UBR3: variants seen among roughly 807,000 people sequenced by gnomAD.
UBR3 encodes the protein ubiquitin protein ligase E3 component n-recognin 3.
UBR3 carries 85 observed loss-of-function variants against 243.2 expected under a neutral mutation model. The ratio of observed to expected loss-of-function variants is 0.35; its 90% CI spans 0.29 to 0.42. UBR3 has a LOEUF of 0.42. Ranked by LOEUF, UBR3 falls within the 10% of genes least tolerant of loss-of-function variation. UBR3 has a pLI of 1.00. For synonymous variants in UBR3, 748 were observed against 799.8 expected (o/e 0.94, Z 1.09); for missense variants, 1,686 against 2,300.8 (o/e 0.73, Z 5.47).
intron 10 of UBR3, among the ~76,000 whole-genome samples, chr2:169,909,144 T>C (rs2085147848): frequency 1.3e-5 from 2 of 152,160 alleles, no homozygotes; most frequent in African/African-American, 4.8e-5. Flanking sequence ...TTTTAAGGAA[T>C]TTGTGGCTGG....
Position 170,084,009 on chromosome 2 carries a change from A to G in UBR3, c.*2166A>G, listed in dbSNP as rs2091943700. On this transcript the variant is annotated 3_prime_UTR_variant, in exon 39 of 39. Coordinates refer to ENST00000272793, the MANE Select transcript of UBR3 (RefSeq NM_172070.4). Reference sequence around the variant, plus strand: ...ATGAATGATCATTTAAATACAGTACATTACTGTAGAAGCTAAATTGATCTT... The same window carrying G: ...ATGAATGATCATTTAAATACAGTACGTTACTGTAGAAGCTAAATTGATCTT... The G allele has an allele frequency of 6.6e-6, 1 of 152,630 alleles. No individual in the cohort carries two copies. The highest frequency in any genetic ancestry group is 1.5e-5 in the Non-Finnish European group (1 of 68,020). 9.5% of individuals were successfully genotyped at this position (152,630 alleles called of 1,614,324 possible).
At chr2:169,874,842 T>C (rs1173265468) in intron 2 of UBR3, among the ~76,000 whole-genome samples, 1 of 152,222 alleles carries the variant, frequency 6.6e-6, no homozygotes, top group Admixed American at 6.5e-5. Context: ...ACCTCTTTTA[T>C]AGGTGTGGTT....
chr2:169,876,305 C>T (rs990266408), intron 3 of UBR3, among the ~76,000 whole-genome samples: 4 of 151,906 alleles, frequency 2.6e-5, no homozygotes, highest in African/African-American at 7.2e-5. Context: ...TGGTCTCGAT[C>T]TCCTGACCTC....
intron 8 of UBR3, among the ~76,000 whole-genome samples, chr2:169,901,651 A>G (rs1026276681): frequency 6.6e-6 from 1 of 152,226 alleles, no homozygotes; most frequent in African/African-American, 2.4e-5. Context: ...TAATAAATAC[A>G]GGAGCTGATA....
intron 33 of UBR3, among the ~76,000 whole-genome samples, chr2:170,057,697 G>A (rs762978815): frequency 1.3e-4 from 20 of 152,068 alleles, no homozygotes; most frequent in African/African-American, 4.3e-4. Context: ...CCTCGTAATT[G>A]TTAGTTATTT....
At chr2:169,897,562 G>A (rs1209175346) in intron 8 of UBR3, among the ~76,000 whole-genome samples, 3 of 152,014 alleles carry the variant, frequency 2.0e-5, no homozygotes, top group Non-Finnish European at 4.4e-5. Flanking sequence ...GCAGTGGTAC[G>A]ATCTTGGCTT....
intron 24 of UBR3, among the ~76,000 whole-genome samples, chr2:169,976,908 C>T (rs2105380751): frequency 6.6e-6 from 1 of 151,986 alleles, no homozygotes; most frequent in South Asian, 2.1e-4. Flanking sequence ...GCTTTTTTCA[C>T]TCTTGTATTC....
intron 24 of UBR3, among the ~76,000 whole-genome samples, chr2:169,963,020 C>T (rs961295337): frequency 5.3e-5 from 8 of 152,108 alleles, no homozygotes; most frequent in East Asian, 1.9e-4. Context: ...TAGGTCAGAG[C>T]GCCCAGATGC....
rs200803167 is a variant in UBR3, at chr2:170,017,576, CACACACAG to C, written c.4453+2211_4453+2218del. 3.8e-3 allele frequency among the ~76,000 whole-genome samples: 483 copies of C among 128,330 alleles called. 2 individuals carry two copies. Among genetic ancestry groups the C allele is most frequent in the African/African-American group, 9.1e-3 (297 of 32,610 alleles). 84.2% of individuals were successfully genotyped at this position (128,330 alleles called of 152,430 possible). On this transcript the variant is annotated intron_variant, in intron 30 of 38. Transcript: ENST00000272793. ...ACACACACACACACACACACACACA[CACACACAG>C]GGGGAGAAGGGAAGATTGTTCTTTC...
chr2:169,951,668 A>G (rs2087037861), intron 23 of UBR3, among the ~76,000 whole-genome samples: 1 of 152,084 alleles, frequency 6.6e-6, no homozygotes, highest in African/African-American at 2.4e-5. Context: ...GAGGAATAAT[A>G]TATAGGGTAA....
chr2:169,836,169 C>T (rs1396171005), intron 1 of UBR3, among the ~76,000 whole-genome samples: 3 of 143,278 alleles, frequency 2.1e-5, no homozygotes, highest in African/African-American at 5.1e-5. Context: ...CTGCAACCTC[C>T]GCCTCCTGAG....
intron 31 of UBR3, among the ~76,000 whole-genome samples, chr2:170,034,811 T>C (rs956830520): frequency 1.2e-4 from 18 of 152,170 alleles, no homozygotes; most frequent in Non-Finnish European, 2.1e-4. Context: ...GAGTTCTTGT[T>C]ACTCCACATC....
intron 5 of UBR3, among the ~76,000 whole-genome samples, chr2:169,884,828 G>A (rs944612057): frequency 6.6e-6 from 1 of 152,018 alleles, no homozygotes; most frequent in Admixed American, 6.5e-5. Flanking sequence ...TTTTACTTTT[G>A]TTCTTCTCAA....
At chr2:170,055,882 A>T (rs184558065) in intron 33 of UBR3, among the ~76,000 whole-genome samples, 12 of 152,282 alleles carry the variant, frequency 7.9e-5, no homozygotes, top group African/African-American at 2.4e-4. Flanking sequence ...GCACATGATA[A>T]AATATCTGCA....
chr2:170,029,901 A>G (rs6714727), intron 31 of UBR3, among the ~76,000 whole-genome samples: 141,740 of 152,144 alleles, frequency 0.93, 66,332 homozygotes, highest in Non-Finnish European at 0.98. Flanking sequence ...CTTCTGATTA[A>G]ATGGAATGTT....
In UBR3 at chr2:170,066,950, C is replaced by T. The variant is rs915225766; in HGVS notation, c.5019+5507C>T. Among the ~76,000 whole-genome samples the T allele has an allele frequency of 7.2e-5, 5 of 69,374 alleles. No individual in the cohort carries two copies. The South Asian group carries it at 1.4e-3, about 20-fold the overall frequency. The allele number at this position is 69,374 out of a possible 152,430, so 45.5% of individuals were successfully genotyped here. A position where few individuals can be genotyped will look rare whatever the true frequency, so the allele number is the denominator to read the frequency against. ...CCGCACTCCAGCCTGGGCGACAGAG[C>T]GAGACTCCGTCTCTAAAATAATAAT... On this transcript the variant is annotated intron_variant, in intron 35 of 38. Coordinates refer to ENST00000272793, the MANE Select transcript of UBR3 (RefSeq NM_172070.4).
intron 1 of UBR3, among the ~76,000 whole-genome samples, chr2:169,865,493 C>G (rs1209737518): frequency 6.6e-6 from 1 of 152,122 alleles, no homozygotes; most frequent in East Asian, 1.9e-4. Context: ...CTTCTGTAAC[C>G]TCAGTCTCAA....
At chr2:170,066,935 G>C (rs1042956283) in intron 35 of UBR3, among the ~76,000 whole-genome samples, 1 of 142,550 alleles carries the variant, frequency 7.0e-6, no homozygotes, top group Non-Finnish European at 1.6e-5. Context: ...CCGCACTCCA[G>C]CCTGGGCGAC....
chr2:169,972,791 A>G (rs1420266124), intron 24 of UBR3, among the ~76,000 whole-genome samples: 3 of 151,808 alleles, frequency 2.0e-5, no homozygotes, highest in Admixed American at 1.3e-4. Context: ...ATCTATGACA[A>G]ACCCACAGCC....
Sources: allele counts gnomAD v4.1 joint callset (sites outside exome capture counted in the v4.1 genomes callset), GRCh38; gene constraint gnomAD v4.1.1; transcripts MANE v1.5; gene names NCBI Gene and HGNC (gene_info 2026-07-23, HGNC 2026-07-21).